The following USP46 variants were observed in gnomAD, a reference collection of about 807,000 sequenced individuals.
USP46 encodes ubiquitin specific peptidase 46, also known as ubiquitin carboxyl-terminal hydrolase 46.
USP46 carries 12 observed loss-of-function variants against 44.4 expected under a neutral mutation model. The observed-to-expected ratio is 0.27, with a 90% CI of 0.17 to 0.44. The LOEUF (loss-of-function observed/expected upper bound fraction) is 0.44, where lower values mean the gene tolerates loss of function less well. Ranked by LOEUF, USP46 falls within the 20% of genes least tolerant of loss-of-function variation. The pLI, the probability that USP46 is intolerant of heterozygous loss-of-function variation, is 1.00. For missense variants in USP46, 248 were observed against 444.8 expected (o/e 0.56, Z 3.98); for synonymous variants, 155 against 161.5 (o/e 0.96, Z 0.31).
intron 7 of USP46, among the ~76,000 whole-genome samples, chr4:52,601,618 G>A (rs1169448988): frequency 6.6e-6 from 1 of 152,106 alleles, no homozygotes; most frequent in Non-Finnish European, 1.5e-5. Flanking sequence ...TTCATGCAAT[G>A]GAGATTTATT....
chr4:52,630,207 A>G (rs1717766757), intron 2 of USP46, among the ~76,000 whole-genome samples: 3 of 152,196 alleles, frequency 2.0e-5, no homozygotes, highest in Non-Finnish European at 4.4e-5. Flanking sequence ...AAGGAAGCAG[A>G]GCTGCTGGGT....
chr4:52,607,056 C>G (rs1230276433), intron 5 of USP46, among the ~76,000 whole-genome samples: 4 of 152,092 alleles, frequency 2.6e-5, no homozygotes, highest in Non-Finnish European at 2.9e-5. Flanking sequence ...AGCTGTACTA[C>G]CAAGCTAAAG....
intron 1 of USP46, among the ~76,000 whole-genome samples, chr4:52,657,992 G>A (rs1560417201): frequency 6.6e-6 from 1 of 152,224 alleles, no homozygotes; most frequent in Non-Finnish European, 1.5e-5. Context: ...CCTTACACCA[G>A]GGCTTCTCCA....
chr4:52,612,273 C>G (rs1467861818), intron 4 of USP46, among the ~76,000 whole-genome samples: 1 of 152,216 alleles, frequency 6.6e-6, no homozygotes, highest in African/African-American at 2.4e-5. Context: ...CATCTTTATA[C>G]TTACACACAT....
chr4:52,641,676 C>T (rs1270911899), intron 1 of USP46, among the ~76,000 whole-genome samples: 1 of 152,126 alleles, frequency 6.6e-6, no homozygotes, highest in African/African-American at 2.4e-5. Context: ...AACACAGGGA[C>T]CAGGAAGCAT....
chr4:52,640,301 C>G (rs1718283791), intron 1 of USP46, among the ~76,000 whole-genome samples: 1 of 152,104 alleles, frequency 6.6e-6, no homozygotes, highest in South Asian at 2.1e-4. Flanking sequence ...GTGCCTGGCT[C>G]TATTCTACAT....
chr4:52,651,412 A>C (rs928452332), intron 1 of USP46, among the ~76,000 whole-genome samples: 2 of 152,164 alleles, frequency 1.3e-5, no homozygotes, highest in African/African-American at 4.8e-5. Context: ...ATTTTTAATA[A>C]GAGAATGCAC....
chr4:52,626,168 C>T lies in USP46; in HGVS notation c.411G>A (p.Gln137=). 6.2e-7 allele frequency: 1 copy of T among 1,613,864 alleles called. No homozygotes were observed. Among genetic ancestry groups the T allele is most frequent in the Non-Finnish European group, 8.5e-7 (1 of 1,179,856 alleles). The change falls in exon 4 of 9, where the codon CAG becomes CAA. Residue 137 remains glutamine, a synonymous_variant. Coordinates refer to ENST00000441222, the MANE Select transcript of USP46 (RefSeq NM_022832.4). ...YLLNTIADIL[Q]EEKKQEKQNG... ...TTTGTTTTTCCTGTTTCTTCTCCTC[C>T]TGAAGGATGTCCGCAATAGTGTTTA...
intron 1 of USP46, among the ~76,000 whole-genome samples, chr4:52,656,800 G>A (rs1431145358): frequency 6.6e-6 from 1 of 151,922 alleles, no homozygotes; most frequent in Admixed American, 6.6e-5. Context: ...GGCGCTTCGG[G>A]AGGCTGAGGT....
chr4:52,624,136 C>T (rs1407734041), intron 4 of USP46, among the ~76,000 whole-genome samples: 5 of 151,942 alleles, frequency 3.3e-5, no homozygotes, highest in South Asian at 4.2e-4. Context: ...TAGGATTGGC[C>T]AAAGTGTTAA....
At chr4:52,634,288 T>G (rs964584344) in intron 1 of USP46, among the ~76,000 whole-genome samples, 1 of 150,870 alleles carries the variant, frequency 6.6e-6, no homozygotes, top group African/African-American at 2.4e-5. Flanking sequence ...GTGGGCAGAT[T>G]GCCTAAGGTC....
At chr4:52,627,842 T>C (rs1414399230) in intron 3 of USP46, 108 bp downstream of exon 3, 1 of 1,237,388 alleles carries the variant, frequency 8.1e-7, no homozygotes, top group Non-Finnish European at 1.1e-6. Flanking sequence ...TTAACCATGC[T>C]TATTTTCCCT....
chr4:52,613,957 C>T (rs571929137), intron 4 of USP46, among the ~76,000 whole-genome samples: 1 of 152,148 alleles, frequency 6.6e-6, no homozygotes, highest in African/African-American at 2.4e-5. Flanking sequence ...ATAAAATATA[C>T]TCGCAATGCA....
At position 52,591,876 on chromosome 4, in the gene USP46, C is replaced by G. The variant is rs571824403; in HGVS notation, c.*5764G>C. On this transcript the variant is annotated 3_prime_UTR_variant, in exon 9 of 9. Coordinates refer to ENST00000441222, the MANE Select transcript of USP46 (RefSeq NM_022832.4). ...ACAGATATTTGATTCATAAAGCTCACTGTTGAGGCTTTCATGATACTGGCT... is the reference window on the plus strand; with the variant it reads ...ACAGATATTTGATTCATAAAGCTCAGTGTTGAGGCTTTCATGATACTGGCT... The G allele has an allele frequency of 3.0e-4, 45 of 152,328 alleles. No individual in the cohort carries two copies. Among genetic ancestry groups the G allele is most frequent in the African/African-American group, 1.0e-3 (42 of 41,570 alleles). 9.4% of individuals were successfully genotyped at this position (152,328 alleles called of 1,614,324 possible). A position where few individuals can be genotyped will look rare whatever the true frequency, so the allele number is the denominator to read the frequency against.
In USP46 at chr4:52,638,625, A is replaced by G. The variant is rs982304527; in HGVS notation, c.37-7481T>C. 4.1e-5 allele frequency among the ~76,000 whole-genome samples: 6 copies of G among 147,926 alleles called. No homozygotes were observed. In the Admixed American group the frequency reaches 4.1e-4, roughly 10 times the overall value. ...CTGTCCAATGCCCTAAATTATATAT[A>G]TAATATATATAATTTTATATATATA... On this transcript the variant is annotated intron_variant, in intron 1 of 8. Coordinates refer to ENST00000441222, the MANE Select transcript of USP46 (RefSeq NM_022832.4).
Position 52,628,126 on chromosome 4 carries a change from G to T in USP46, c.155C>A (p.Ala52Glu), listed in dbSNP as rs1717665059. ...CCGGAATGGACGGCAGAAGTACAAT[G>T]CCTGAAGCACGGAGTTACAGTAGCA... ...NTCYCNSVLQ[A>E]LYFCRPFREN... is the part of the protein sequence containing the mutation. Residue 52 changes from alanine to glutamate, a missense_variant, in exon 3 of 9, where the codon GCA becomes GAA. Transcript: ENST00000441222. 3 of 1,613,920 alleles carry T rather than the reference G, an allele frequency of 1.9e-6. No homozygotes were observed. The highest frequency in any genetic ancestry group is 1.7e-5 in the Admixed American group (1 of 60,014).
chr4:52,632,405 T>C (rs538389043), intron 1 of USP46, among the ~76,000 whole-genome samples: 2 of 152,308 alleles, frequency 1.3e-5, no homozygotes, highest in East Asian at 3.9e-4. Context: ...TAAGGCTCCA[T>C]TTGTACCATG....
intron 3 of USP46, among the ~76,000 whole-genome samples, chr4:52,626,591 G>A (rs112712782): frequency 4.1e-4 from 63 of 152,144 alleles, no homozygotes; most frequent in African/African-American, 1.4e-3. Context: ...CCAAAGTGCC[G>A]GGATTACAGA....
chr4:52,640,944 A>G (rs1718317714), intron 1 of USP46, among the ~76,000 whole-genome samples: 2 of 150,444 alleles, frequency 1.3e-5, no homozygotes, highest in Admixed American at 6.6e-5. Flanking sequence ...TTTTACCACT[A>G]TGAAATGCCT....
Sources: gnomAD v4.1 joint callset for allele counts (sites outside exome capture counted in the v4.1 genomes callset) on GRCh38, gnomAD v4.1.1 for gene constraint, MANE v1.5 for transcripts, NCBI Gene and HGNC (gene_info 2026-07-23, HGNC 2026-07-21) for gene names.